Variants in TET1 observed in about 807,000 individuals in gnomAD.
TET1 encodes methylcytosine dioxygenase TET1.
Under a neutral mutation model 148.7 loss-of-function variants are expected in TET1, and 13 were observed. That is an observed-to-expected ratio of 0.09 (90% CI 0.06 to 0.14). The LOEUF (loss-of-function observed/expected upper bound fraction) is 0.14. Among genes scored for constraint, TET1 ranks in the 10% least tolerant of loss-of-function variants. The pLI is 1.00. For synonymous variants in TET1, 907 were observed against 937.2 expected (o/e 0.97, Z 0.59); for missense variants, 2,182 against 2,553.8 (o/e 0.85, Z 3.14).
At position 68,644,606 on chromosome 10, in the gene TET1, G is replaced by A. The variant is rs1314662251; in HGVS notation, c.1969-92G>A. 6 of 1,264,524 alleles carry A rather than the reference G, an allele frequency of 4.7e-6. No homozygotes were observed. The African/African-American group carries it at 7.6e-5, about 16-fold the overall frequency. 78.3% of individuals were successfully genotyped at this position (1,264,524 alleles called of 1,614,324 possible). ...AATATTTTAGGCTGTATCCACAGGG[G>A]CTTTACATTTAGTTGTTATTAAATT... On this transcript the variant is annotated intron_variant, in intron 3 of 11. Transcript: ENST00000373644.
chr10:68,652,845 A>ATTTT (rs71019047), intron 6 of TET1, among the ~76,000 whole-genome samples: 5 of 101,206 alleles, frequency 4.9e-5, no homozygotes, highest in Admixed American at 1.2e-4. Flanking sequence ...AACCCGGCTA[A>ATTTT]TTTTTTTTTT....
chr10:68,642,383 G>A (rs12264864), intron 3 of TET1, among the ~76,000 whole-genome samples: 8,104 of 151,948 alleles, frequency 0.053, 704 homozygotes, highest in African/African-American at 0.18. Flanking sequence ...ACAGTGAGCC[G>A]TTATCGTGCC....
intron 3 of TET1, among the ~76,000 whole-genome samples, chr10:68,619,759 G>A (rs1334246064): frequency 6.6e-6 from 1 of 152,050 alleles, no homozygotes; most frequent in Non-Finnish European, 1.5e-5. Context: ...ATGCTGTGCA[G>A]GTGTCATTAG....
At position 68,660,424 on chromosome 10, in the gene TET1, C is replaced by A. The variant is rs561009201; in HGVS notation, c.4462-6621C>A. Reference sequence around the variant, plus strand: ...GCACAATCTGGGCTTACTGCGACCACCATCTCCTGGTTTCAAGCGATTCTC... The same window carrying A: ...GCACAATCTGGGCTTACTGCGACCAACATCTCCTGGTTTCAAGCGATTCTC... On this transcript the variant is annotated intron_variant, in intron 6 of 11. Transcript: ENST00000373644. Among the ~76,000 whole-genome samples the A allele has an allele frequency of 5.3e-5, 8 of 149,990 alleles. No individual in the cohort carries two copies. The East Asian group carries it at 1.4e-3, about 26-fold the overall frequency.
Position 68,694,220 on chromosome 10 carries a change from T to C in TET1, c.*2406T>C. ...AATATATAGTATCAACTGAAATGTT[T>C]CCATTCCGTTGTTGTAGTTAACATC... On this transcript the variant is annotated 3_prime_UTR_variant, in exon 12 of 12. Coordinates refer to ENST00000373644, the MANE Select transcript of TET1 (RefSeq NM_030625.3). 1 of 232,768 alleles carries C rather than the reference T, an allele frequency of 4.3e-6. No individual in the cohort carries two copies. Among genetic ancestry groups the C allele is most frequent in the Non-Finnish European group, 8.5e-6 (1 of 117,798 alleles). The allele number at this position is 232,768 out of a possible 1,614,324, so 14.4% of individuals were successfully genotyped here. A position where few individuals can be genotyped will look rare whatever the true frequency, so the allele number is the denominator to read the frequency against.
intron 3 of TET1, among the ~76,000 whole-genome samples, chr10:68,639,797 A>G (rs1185108851): frequency 6.6e-6 from 1 of 152,032 alleles, no homozygotes; most frequent in African/African-American, 2.4e-5. Flanking sequence ...AAGGACCTCA[A>G]GATCTTTCCT....
At chr10:68,684,210 C>G (rs1341409706) in intron 10 of TET1, among the ~76,000 whole-genome samples, 4 of 151,964 alleles carry the variant, frequency 2.6e-5, no homozygotes, top group Non-Finnish European at 5.9e-5. Context: ...GGCAATAAGA[C>G]CCCGTCTCTT....
intron 10 of TET1, 37 bp from the exon 11 acceptor site, chr10:68,686,319 G>A (rs751205292): frequency 9.2e-6 from 14 of 1,526,538 alleles, no homozygotes; most frequent in African/African-American, 8.3e-5. Context: ...TGCACGACCC[G>A]TATATCTTTC....
intron 3 of TET1, among the ~76,000 whole-genome samples, chr10:68,631,433 C>CTTTTTTT (rs546257824): frequency 0.019 from 2,040 of 109,866 alleles, no homozygotes; most frequent in Non-Finnish European, 0.022. Context: ...TTTCTTTCTT[C>CTTTTTTT]TTTTTTTTTT....
chr10:68,580,537 C>T (rs554161801), intron 2 of TET1, among the ~76,000 whole-genome samples: 3 of 149,594 alleles, frequency 2.0e-5, no homozygotes, highest in Admixed American at 1.3e-4. Flanking sequence ...CCTAGCACTT[C>T]GGGAGGCCAA....
At chr10:68,601,199 T>C (rs1449403364) in intron 3 of TET1, among the ~76,000 whole-genome samples, 165 bp downstream of exon 3, 1 of 152,250 alleles carries the variant, frequency 6.6e-6, no homozygotes, top group Non-Finnish European at 1.5e-5. Context: ...TTTTTTTTGA[T>C]GTGCTGCATA....
chr10:68,617,019 T>TG (rs2054301810), intron 3 of TET1, among the ~76,000 whole-genome samples: 1 of 26,932 alleles, frequency 3.7e-5, no homozygotes, highest in Non-Finnish European at 9.4e-5. Flanking sequence ...TTTTTTTTTT[T>TG]TTTTTTTTTT....
At position 68,645,756 on chromosome 10, in the gene TET1, A is replaced by C; in HGVS notation, c.3027A>C (p.Lys1009Asn). The C allele has an allele frequency of 6.2e-7, 1 of 1,614,170 alleles. No individual in the cohort carries two copies. Among genetic ancestry groups the C allele is most frequent in the South Asian group, 1.1e-5 (1 of 91,072 alleles). ...VTNSLSLFIP[K>N]SNSSKIDTNK... is the part of the protein sequence containing the mutation. ...ATTCATTATCTCTTTTTATACCAAA[A>C]TCAAATTCATCCAAGATTGACACCA... Residue 1009 changes from lysine (K) to asparagine (N), a missense_variant, in exon 4 of 12, where the codon AAA becomes AAC. Coordinates refer to ENST00000373644, the MANE Select transcript of TET1 (RefSeq NM_030625.3).
rs763939217 is a variant in TET1, at chr10:68,644,919, C to T, written c.2190C>T (p.Val730=). 6.2e-7 allele frequency: 1 copy of T among 1,611,782 alleles called. No homozygotes were observed. Among genetic ancestry groups the T allele is most frequent in the East Asian group, 2.2e-5 (1 of 44,832 alleles). ...DHVKGDFSAN[V]PEAEKSKNSE... is the part of the protein sequence containing the mutation. Reference sequence around the variant, plus strand: ...TGAAAGGAGATTTTAGTGCTAATGTCCCAGAAGCTGAAAAATCGAAAAACT... The same window carrying T: ...TGAAAGGAGATTTTAGTGCTAATGTTCCAGAAGCTGAAAAATCGAAAAACT... Residue 730 remains valine (V), a synonymous_variant, in exon 4 of 12, where the codon GTC becomes GTT. Coordinates refer to ENST00000373644, the MANE Select transcript of TET1 (RefSeq NM_030625.3).
chr10:68,610,933 C>A (rs2054200174), intron 3 of TET1, among the ~76,000 whole-genome samples: 1 of 152,056 alleles, frequency 6.6e-6, no homozygotes, highest in African/African-American at 2.4e-5. Flanking sequence ...AGCTACCTTG[C>A]CCAGCTAGTA....
chr10:68,648,021 A>G (rs964813083), intron 4 of TET1, among the ~76,000 whole-genome samples: 1 of 152,220 alleles, frequency 6.6e-6, no homozygotes, highest in Admixed American at 6.5e-5. Context: ...AACATATTTT[A>G]ACAAATTTGT....
chr10:68,681,480 C>G lies in TET1; in HGVS notation c.4906C>G (p.Gln1636Glu), dbSNP rs781754078. The change falls in exon 9 of 12, where the codon CAA (glutamine) becomes GAA (glutamate). Residue 1636 changes from glutamine (Q) to glutamate (E), a missense_variant. By Grantham distance (29) the Gln-to-Glu change is conservative. Coordinates refer to ENST00000373644, the MANE Select transcript of TET1 (RefSeq NM_030625.3). ...TAAGCAGTATGCTCCAGTAGCTTACCAAAATCAGGTATGTATTGGTATGAA... is the reference window on the plus strand; with the variant it reads ...TAAGCAGTATGCTCCAGTAGCTTACGAAAATCAGGTATGTATTGGTATGAA... The part of the protein sequence containing the change: ...IYKQYAPVAY[Q>E]NQVEYENVAR... The G allele has an allele frequency of 2.2e-5, 35 of 1,608,872 alleles. No homozygotes were observed. The highest frequency in any genetic ancestry group is 2.6e-6 in the Non-Finnish European group (3 of 1,175,786).
At chr10:68,584,767 G>A (rs115621470) in intron 2 of TET1, among the ~76,000 whole-genome samples, 4,306 of 151,696 alleles carry the variant, frequency 0.028, 187 homozygotes, top group African/African-American at 0.099. Context: ...TCCATATGCA[G>A]TATACTATAG....
At chr10:68,630,822 G>A (rs946720270) in intron 3 of TET1, among the ~76,000 whole-genome samples, 1 of 152,228 alleles carries the variant, frequency 6.6e-6, no homozygotes, top group Non-Finnish European at 1.5e-5. Flanking sequence ...GCAAAGGTAA[G>A]TGAAATAAAG....
Sources: gnomAD v4.1 joint callset for allele counts (sites outside exome capture counted in the v4.1 genomes callset) on GRCh38, gnomAD v4.1.1 for gene constraint, MANE v1.5 for transcripts, NCBI Gene and HGNC (gene_info 2026-07-23, HGNC 2026-07-21) for gene names.